Variants in OCA2 observed in about 807,000 individuals in gnomAD.
OCA2 encodes OCA2 melanosomal transmembrane protein, also known as P protein.
Under a neutral mutation model 100.2 loss-of-function variants are expected in OCA2, and 77 were observed. That is an observed-to-expected ratio of 0.77 (90% CI 0.64 to 0.93). The LOEUF is 0.93. Among genes scored for constraint, OCA2 ranks in the 40% least tolerant of loss-of-function variants. The pLI is 0.00. For missense variants in OCA2, 1,062 were observed against 1,089.1 expected (o/e 0.98, Z 0.35); for synonymous variants, 432 against 439.2 (o/e 0.98, Z 0.21).
chr15:27,984,175 C>A (rs568344875), intron 13 of OCA2, among the ~76,000 whole-genome samples: 3 of 152,092 alleles, frequency 2.0e-5, no homozygotes, highest in African/African-American at 7.2e-5. Flanking sequence ...ACTGTATTCA[C>A]CCTACAGATC....
At position 27,800,390 on chromosome 15, in the gene OCA2, C is replaced by T. The variant is rs181740010; in HGVS notation, c.2432+44569G>A. ...AATTTAAAAAAACACAGAATGAAAT[C>T]GAAGGCATTTGTTTTTGTTTTCAGA... On this transcript the variant is annotated intron_variant, in intron 23 of 23. Transcript: ENST00000354638. 4.6e-4 allele frequency among the ~76,000 whole-genome samples: 70 copies of T among 151,658 alleles called. 1 individual carries two copies. Among genetic ancestry groups the T allele is most frequent in the African/African-American group, 1.6e-3 (67 of 41,370 alleles).
chr15:27,844,631 TG>T (rs1436972222), intron 23 of OCA2, among the ~76,000 whole-genome samples: 1 of 152,128 alleles, frequency 6.6e-6, no homozygotes, highest in Non-Finnish European at 1.5e-5. Context: ...CCTGAGTAGC[TG>T]GGATTACAGG....
At chr15:27,988,410 TTAAAA>T (rs2041433120) in intron 11 of OCA2, among the ~76,000 whole-genome samples, 1 of 152,116 alleles carries the variant, frequency 6.6e-6, no homozygotes, top group Admixed American at 6.6e-5. Context: ...GGTAATTAAA[TTAAAA>T]TGAGGTTGTT....
chr15:27,776,758 A>G (rs904964475), intron 23 of OCA2: 1 of 152,152 alleles, frequency 6.6e-6, no homozygotes, highest in Non-Finnish European at 1.5e-5. Context: ...TGCACTTGGC[A>G]CCCATATCCT....
chr15:28,022,290 C>G (rs921976975), intron 6 of OCA2, among the ~76,000 whole-genome samples: 8 of 152,186 alleles, frequency 5.3e-5, no homozygotes, highest in Non-Finnish European at 1.0e-4. Context: ...ACTCGGAGAG[C>G]TCCACCACCA....
At position 27,957,047 on chromosome 15, in the gene OCA2, A is replaced by G. The variant is rs2040246197; in HGVS notation, c.1784+541T>C. On this transcript the variant is annotated intron_variant, in intron 16 of 23. Coordinates refer to ENST00000354638, the MANE Select transcript of OCA2 (RefSeq NM_000275.3). This position sits in a 1 kb window ranked among gnomAD's most constrained non-coding sequence, Gnocchi z 4.3. ...TCTTCTGTCTGAGCTTCCAGAACAAAGACTGCTTGGAACTCAGCAACATGT... is the reference window on the plus strand; with the variant it reads ...TCTTCTGTCTGAGCTTCCAGAACAAGGACTGCTTGGAACTCAGCAACATGT... 6.6e-6 allele frequency among the ~76,000 whole-genome samples: 1 copy of G among 152,198 alleles called. No homozygotes were observed. Among genetic ancestry groups the G allele is most frequent in the Non-Finnish European group, 1.5e-5 (1 of 68,034 alleles).
At chr15:27,902,216 G>GT (rs1215494822) in intron 19 of OCA2, among the ~76,000 whole-genome samples, 77 of 88,234 alleles carry the variant, frequency 8.7e-4, no homozygotes, top group Middle Eastern at 6.9e-3. Context: ...TGTTGTTGTT[G>GT]TTGTTTTTTT....
At chr15:27,814,885 TAGATAGATAG>T (rs2034221191) in intron 23 of OCA2, among the ~76,000 whole-genome samples, 1 of 32,986 alleles carries the variant, frequency 3.0e-5, no homozygotes, top group Admixed American at 2.5e-4. Context: ...TCTCTCTCTA[TAGATAGATAG>T]ATAGATAGAT....
At chr15:27,892,208 A>G (rs372642935) in intron 19 of OCA2, among the ~76,000 whole-genome samples, 1 of 152,174 alleles carries the variant, frequency 6.6e-6, no homozygotes, top group Non-Finnish European at 1.5e-5. Flanking sequence ...ACACTGAACC[A>G]AAGGGATTTA....
At chr15:27,922,323 A>G (rs751745548) in intron 19 of OCA2, among the ~76,000 whole-genome samples, 57 of 152,250 alleles carry the variant, frequency 3.7e-4, no homozygotes, top group Non-Finnish European at 6.6e-4. Context: ...TTTTACTGCA[A>G]TAGGCAATTT....
chr15:28,078,317 G>A (rs1279197610), intron 2 of OCA2, among the ~76,000 whole-genome samples: 1 of 152,190 alleles, frequency 6.6e-6, no homozygotes, highest in African/African-American at 2.4e-5. Flanking sequence ...CTCTGGGGTT[G>A]GTGATGCCTG....
At chr15:27,988,517 G>A (rs2141003566) in intron 11 of OCA2, among the ~76,000 whole-genome samples, 1 of 152,244 alleles carries the variant, frequency 6.6e-6, no homozygotes, top group South Asian at 2.1e-4. Flanking sequence ...TGAAAACGCT[G>A]GGAGAAGGTG....
intron 14 of OCA2, among the ~76,000 whole-genome samples, chr15:27,978,747 G>T (rs969488796): frequency 3.9e-5 from 6 of 151,978 alleles, no homozygotes; most frequent in African/African-American, 1.2e-4. Context: ...GTGCAATGGG[G>T]TGATCTTGTC....
intron 23 of OCA2, among the ~76,000 whole-genome samples, chr15:27,809,132 T>C (rs1012766862): frequency 6.6e-6 from 1 of 152,220 alleles, no homozygotes; most frequent in Admixed American, 6.5e-5. Context: ...CTTCTTCCTG[T>C]GTGCTTGTTT....
chr15:27,858,603 G>T (rs2036026092), intron 21 of OCA2, among the ~76,000 whole-genome samples: 1 of 151,750 alleles, frequency 6.6e-6, no homozygotes, highest in African/African-American at 2.4e-5. Context: ...GGTTACAAAA[G>T]ACAAAGAATA....
intron 7 of OCA2, among the ~76,000 whole-genome samples, chr15:28,018,179 C>A (rs1163389140): frequency 6.6e-6 from 1 of 151,598 alleles, no homozygotes; most frequent in African/African-American, 2.4e-5. Flanking sequence ...AAAGAACTTG[C>A]AAGCCTGATT....
intron 23 of OCA2, among the ~76,000 whole-genome samples, chr15:27,794,615 C>T (rs796804101): frequency 3.3e-5 from 5 of 151,982 alleles, no homozygotes; most frequent in East Asian, 1.9e-4. Context: ...GATCACTGTA[C>T]GTTAGATAAA....
intron 23 of OCA2, among the ~76,000 whole-genome samples, chr15:27,799,750 A>AAAG (rs1439040292): frequency 3.6e-5 from 4 of 112,132 alleles, no homozygotes; most frequent in Middle Eastern, 6.3e-3. Context: ...GTCTAAAAAA[A>AAAG]AAAAAAAAAA....
intron 2 of OCA2, among the ~76,000 whole-genome samples, chr15:28,076,536 A>C (rs1287670721): frequency 1.3e-5 from 2 of 152,280 alleles, no homozygotes; most frequent in African/African-American, 4.8e-5. Context: ...CTTCCCACAC[A>C]ATCTTGCCTT....
Sources: allele counts gnomAD v4.1 joint callset (sites outside exome capture counted in the v4.1 genomes callset), GRCh38; gene constraint gnomAD v4.1.1; non-coding constraint Gnocchi (gnomAD v3.1); transcripts MANE v1.5; gene names NCBI Gene and HGNC (gene_info 2026-07-23, HGNC 2026-07-21).